ZNF518B: variants seen among roughly 807,000 people sequenced by gnomAD.
ZNF518B encodes zinc finger protein 518B.
Under a neutral mutation model 56.3 loss-of-function variants are expected in ZNF518B, and 23 were observed. The observed-to-expected ratio is 0.41, with a 90% CI of 0.29 to 0.58. The LOEUF (loss-of-function observed/expected upper bound fraction) is 0.58, where lower values mean the gene tolerates loss of function less well. Among genes scored for constraint, ZNF518B ranks in the 20% least tolerant of loss-of-function variants. The pLI is 0.32. For synonymous variants in ZNF518B, 529 were observed against 465.9 expected, an observed-to-expected ratio of 1.14 and a Z score of -1.74; for missense variants, 1,460 against 1,272.1, an observed-to-expected ratio of 1.15 and a Z score of -2.25.
intron 2 of ZNF518B, among the ~76,000 whole-genome samples, chr4:10,449,740 C>G (rs1462274503): frequency 6.6e-6 from 1 of 152,216 alleles, no homozygotes; most frequent in Non-Finnish European, 1.5e-5. Flanking sequence ...CTGCCTGCCA[C>G]AATTTGCTTA....
chr4:10,456,384 G>C (rs1440810892), intron 1 of ZNF518B, among the ~76,000 whole-genome samples: 1 of 152,036 alleles, frequency 6.6e-6, no homozygotes, highest in African/African-American at 2.4e-5. Flanking sequence ...TGGCTTTACA[G>C]AGCCCCAAAC....
chr4:10,444,338 A>C lies in ZNF518B; in HGVS notation c.1991T>G (p.Leu664Arg). 6.2e-7 allele frequency: 1 copy of C among 1,614,192 alleles called. No homozygotes were observed. The highest frequency in any genetic ancestry group is 8.5e-7 in the Non-Finnish European group (1 of 1,180,028). ...TAACTGAGCTATCTTTCTGCGCAAC[A>C]GTTCAATTGACTTTATTTTAGACGT... ...SSTSKIKSIE[L>R]LRRKIAQLIE... Residue 664 changes from leucine to arginine, a missense_variant, in exon 3 of 3, where the codon CTG becomes CGG. Physicochemically the swap from Leu to Arg is moderately radical, Grantham distance 102 (BLOSUM62 -2). Coordinates refer to ENST00000326756, the MANE Select transcript of ZNF518B (RefSeq NM_053042.3).
chr4:10,446,428 G>A lies in ZNF518B; in HGVS notation c.-100C>T. On this transcript the variant is annotated 5_prime_UTR_variant, in exon 3 of 3. Coordinates refer to ENST00000326756, the MANE Select transcript of ZNF518B (RefSeq NM_053042.3). ...TTCTATACAGTTTGTGATGGGTAGG[G>A]GCGCAGCTACTTCTTGGGTGCATAC... 8.7e-7 allele frequency: 1 copy of A among 1,145,000 alleles called. No homozygotes were observed. The highest frequency in any genetic ancestry group is 1.3e-6 in the Non-Finnish European group (1 of 795,436). 70.9% of individuals were successfully genotyped at this position (1,145,000 alleles called of 1,614,324 possible).
At chr4:10,447,835 G>C (rs1230554256) in intron 2 of ZNF518B, among the ~76,000 whole-genome samples, 1 of 152,038 alleles carries the variant, frequency 6.6e-6, no homozygotes, top group Non-Finnish European at 1.5e-5. Context: ...TTTTAGTAGA[G>C]ACAGGGTTTC....
At chr4:10,451,903 G>C (rs999791598) in intron 2 of ZNF518B, 5 of 152,192 alleles carry the variant, frequency 3.3e-5, no homozygotes, top group Non-Finnish European at 5.9e-5. Flanking sequence ...TGTAGCAAAT[G>C]AATGTGTTTC....
Position 10,445,719 on chromosome 4 carries a change from A to C in ZNF518B, c.610T>G (p.Tyr204Asp). The C allele has an allele frequency of 1.9e-6, 3 of 1,614,194 alleles. No homozygotes were observed. Among genetic ancestry groups the C allele is most frequent in the Non-Finnish European group, 2.5e-6 (3 of 1,180,036 alleles). The change falls in exon 3 of 3, where the codon TAT (tyrosine) becomes GAT (aspartate). Residue 204 changes from tyrosine to aspartate, a missense_variant. By Grantham distance (160) the Tyr-to-Asp change is radical. Coordinates refer to ENST00000326756, the MANE Select transcript of ZNF518B (RefSeq NM_053042.3). Reference sequence around the variant, plus strand: ...ACTCTCTTCGTGTGTTTGACAATATAATCATTTCTAATAGCACCATAGTCA... The same window carrying C: ...ACTCTCTTCGTGTGTTTGACAATATCATCATTTCTAATAGCACCATAGTCA... ...YCDYGAIRND[Y>D]IVKHTKRVHE...
At chr4:10,452,705 T>G (rs1015866998) in intron 2 of ZNF518B, 1 of 152,204 alleles carries the variant, frequency 6.6e-6, no homozygotes, top group African/African-American at 2.4e-5. Flanking sequence ...AATGCAATGT[T>G]ATTACATTGC....
In ZNF518B at chr4:10,443,783, T is replaced by C. The variant is rs752539009; in HGVS notation, c.2546A>G (p.Lys849Arg). 3.1e-6 allele frequency: 5 copies of C among 1,614,194 alleles called. No homozygotes were observed. The highest frequency in any genetic ancestry group is 4.2e-6 in the Non-Finnish European group (5 of 1,180,030). The change falls in exon 3 of 3, where the codon AAA becomes AGA. Residue 849 changes from lysine (K) to arginine (R), a missense_variant. Coordinates refer to ENST00000326756, the MANE Select transcript of ZNF518B (RefSeq NM_053042.3). ...IETPLRPKLR[K>R]ESAVCSTIHR... ...GATGGTGCTACAGACAGCACTCTCT[T>C]TTCTCAGTTTAGGCCGCAGAGGTGT...
rs113484865 is a variant in ZNF518B, at chr4:10,442,891, A to G, written c.*213T>C. ...TCTCCAGAAAAATGCATATGTACCA[A>G]TTTGCATGTACAATTTCAGAGCCTT... On this transcript the variant is annotated 3_prime_UTR_variant, in exon 3 of 3. Transcript: ENST00000326756. The G allele has an allele frequency of 9.6e-6, 5 of 521,092 alleles. No individual in the cohort carries two copies. Among genetic ancestry groups the G allele is most frequent in the African/African-American group, 3.8e-5 (2 of 52,810 alleles). The allele number at this position is 521,092 out of a possible 1,614,324, so 32.3% of individuals were successfully genotyped here. A position where few individuals can be genotyped will look rare whatever the true frequency, so the allele number is the denominator to read the frequency against.
chr4:10,451,902 T>C (rs574434470), intron 2 of ZNF518B: 4 of 152,210 alleles, frequency 2.6e-5, no homozygotes, highest in Non-Finnish European at 4.4e-5. Flanking sequence ...CTGTAGCAAA[T>C]GAATGTGTTT....
Position 10,445,077 on chromosome 4 carries a change from T to C in ZNF518B, c.1252A>G (p.Ile418Val), listed in dbSNP as rs1478320954. 7 of 1,614,102 alleles carry C rather than the reference T, an allele frequency of 4.3e-6. No individual in the cohort carries two copies. The highest frequency in any genetic ancestry group is 1.7e-5 in the Admixed American group (1 of 60,000). ...VDGNVGKLVG[I>V]DSFQPSVQKQ... is the part of the protein sequence containing the mutation. ...TGAACTGAAGGTTGAAAACTATCAA[T>C]GCCTACGAGTTTTCCAACATTCCCG... The change falls in exon 3 of 3, where the codon ATT becomes GTT. Residue 418 changes from isoleucine to valine, a missense_variant. Physicochemically the swap from Ile to Val is conservative, Grantham distance 29. Coordinates refer to ENST00000326756, the MANE Select transcript of ZNF518B (RefSeq NM_053042.3).
At chr4:10,460,596 G>C (rs1040883479), upstream of ZNF518B, among the ~76,000 whole-genome samples, 5 of 152,192 alleles carry the variant, frequency 3.3e-5, no homozygotes, top group African/African-American at 7.2e-5. Flanking sequence ...AGGAAAGGCA[G>C]TGTGGATTTA....
At chr4:10,449,662 CAT>C (rs1715214652) in intron 2 of ZNF518B, among the ~76,000 whole-genome samples, 1 of 152,186 alleles carries the variant, frequency 6.6e-6, no homozygotes, top group African/African-American at 2.4e-5. Flanking sequence ...CAAAGATTTG[CAT>C]ATAAGTTGAT....
upstream of ZNF518B, among the ~76,000 whole-genome samples, chr4:10,457,596 G>T (rs944616556): frequency 6.6e-6 from 1 of 152,222 alleles, no homozygotes; most frequent in Non-Finnish European, 1.5e-5. Context: ...GACCCAACAC[G>T]TTCGCACCGT....
intron 2 of ZNF518B, chr4:10,453,042 G>A (rs1398046899): frequency 1.3e-5 from 2 of 152,154 alleles, no homozygotes; most frequent in Admixed American, 6.5e-5. Flanking sequence ...AGAAGAACAA[G>A]GTTCAAAACC....
rs750202070 is a variant in ZNF518B, at chr4:10,443,747, G to C, written c.2582C>G (p.Thr861Ser). The stretch of plus-strand genomic sequence containing the variant: ...TCCTTGCTGTCCATACAAGAGGCCA[G>C]TTTTTCTATGGATGGTGCTACAGAC... Reference protein sequence around the residue: ...SAVCSTIHRKTGLLYGQQGSS... With the variant: ...SAVCSTIHRKSGLLYGQQGSS... Residue 861 changes from threonine (T) to serine (S), a missense_variant, in exon 3 of 3, where the codon ACT becomes AGT. Physicochemically the swap from Thr to Ser is moderately conservative, Grantham distance 58 (BLOSUM62 1). Transcript: ENST00000326756. 3 of 1,614,196 alleles carry C rather than the reference G, an allele frequency of 1.9e-6. No homozygotes were observed. Among genetic ancestry groups the C allele is most frequent in the Non-Finnish European group, 2.5e-6 (3 of 1,180,030 alleles).
chr4:10,449,778 T>C (rs1006466275), intron 2 of ZNF518B, among the ~76,000 whole-genome samples: 4 of 152,222 alleles, frequency 2.6e-5, no homozygotes, highest in Non-Finnish European at 5.9e-5. Flanking sequence ...ACACCCTCTA[T>C]ATTAGCCCTA....
intron 2 of ZNF518B, among the ~76,000 whole-genome samples, chr4:10,448,919 G>A (rs1383784011): frequency 6.6e-6 from 1 of 152,134 alleles, no homozygotes; most frequent in African/African-American, 2.4e-5. Flanking sequence ...CAGGATTTCT[G>A]CTGCTCATCA....
intron 2 of ZNF518B, chr4:10,451,317 T>A (rs1715302204): frequency 6.6e-6 from 1 of 152,212 alleles, no homozygotes. Flanking sequence ...CATCTAATGC[T>A]CAATAAAATT....
Sources: allele counts gnomAD v4.1 joint callset (sites outside exome capture counted in the v4.1 genomes callset), GRCh38; gene constraint gnomAD v4.1.1; transcripts MANE v1.5; gene names NCBI Gene and HGNC (gene_info 2026-07-23, HGNC 2026-07-21).